Variants in PRKCB observed in about 807,000 individuals in gnomAD.
The protein encoded by PRKCB is protein kinase C beta.
In PRKCB, 13 loss-of-function variants were observed where a neutral mutation model predicts 81.5. The observed-to-expected ratio is 0.16, with a 90% CI of 0.10 to 0.25. PRKCB has a LOEUF of 0.25. Ranked by LOEUF, PRKCB falls within the 10% of genes least tolerant of loss-of-function variation. PRKCB has a pLI of 1.00. For missense variants in PRKCB, 509 were observed against 875.7 expected (o/e 0.58, Z 5.29); for synonymous variants, 335 against 321.4 (o/e 1.04, Z -0.45).
chr16:23,976,253 G>A (rs1024633545), intron 2 of PRKCB, among the ~76,000 whole-genome samples: 13 of 152,042 alleles, frequency 8.6e-5, no homozygotes, highest in African/African-American at 2.9e-4. Context: ...AGCCATAATC[G>A]CACCATTGCA....
intron 5 of PRKCB, among the ~76,000 whole-genome samples, chr16:24,054,617 A>G (rs1311025736): frequency 2.6e-5 from 4 of 152,224 alleles, no homozygotes; most frequent in South Asian, 4.1e-4. Flanking sequence ...TTTCCCAAGA[A>G]GGGGAGCTGT....
intron 3 of PRKCB, among the ~76,000 whole-genome samples, chr16:24,009,810 T>G (rs1024567869): frequency 7.9e-5 from 12 of 151,610 alleles, no homozygotes; most frequent in African/African-American, 2.7e-4. Flanking sequence ...AGGTCAGGAG[T>G]TTGAGACCAG....
chr16:23,844,786 C>T (rs980619940), intron 2 of PRKCB, among the ~76,000 whole-genome samples: 4 of 151,062 alleles, frequency 2.6e-5, no homozygotes, highest in African/African-American at 7.3e-5. Context: ...AGATTATAGG[C>T]GTGAGCCACC....
At chr16:24,160,883 G>C (rs982952111) in intron 10 of PRKCB, among the ~76,000 whole-genome samples, 1 of 152,164 alleles carries the variant, frequency 6.6e-6, no homozygotes, top group Non-Finnish European at 1.5e-5. Context: ...GCAGCAGGAA[G>C]AGTGAGTGTG....
At chr16:23,853,110 A>C (rs7403970) in intron 2 of PRKCB, among the ~76,000 whole-genome samples, 120,133 of 152,174 alleles carry the variant, frequency 0.79, 47,619 homozygotes, top group East Asian at 0.94. Context: ...GTTTTTCCAC[A>C]CAATAATTTA....
chr16:23,882,022 C>CTCTTTCTTTCTTTCTTTCTCTTTCTTTCT (rs1555481695), intron 2 of PRKCB, among the ~76,000 whole-genome samples: 18 of 57,464 alleles, frequency 3.1e-4, no homozygotes, highest in South Asian at 5.9e-4. Context: ...TTCTTTCTTT[C>CTCTTTCTTTCTTTCTTTCTCTTTCTTTCT]TTCCTTCCTT....
intron 3 of PRKCB, among the ~76,000 whole-genome samples, chr16:24,021,660 G>C (rs12444942): frequency 1.3e-5 from 2 of 151,906 alleles, no homozygotes; most frequent in Non-Finnish European, 1.5e-5. Context: ...GTTCCCACTC[G>C]GCTGGCTGCA....
chr16:23,933,477 T>C (rs1964006752), intron 2 of PRKCB, among the ~76,000 whole-genome samples: 1 of 152,196 alleles, frequency 6.6e-6, no homozygotes. Context: ...GCTTCATAAT[T>C]TGGAGGTTTG....
intron 5 of PRKCB, among the ~76,000 whole-genome samples, chr16:24,046,863 G>T (rs1965773024): frequency 6.6e-6 from 1 of 152,120 alleles, no homozygotes; most frequent in Non-Finnish European, 1.5e-5. Flanking sequence ...CCACCCAGTG[G>T]GGGCAGTCAT....
At chr16:23,943,397 C>T (rs1964161789) in intron 2 of PRKCB, among the ~76,000 whole-genome samples, 2 of 152,164 alleles carry the variant, frequency 1.3e-5, no homozygotes, top group South Asian at 4.1e-4. Context: ...GGCTAGTTGA[C>T]ATACACCTGC....
intron 2 of PRKCB, among the ~76,000 whole-genome samples, chr16:23,858,303 G>C (rs185349339): frequency 1.2e-5 from 1 of 80,932 alleles, no homozygotes; most frequent in Non-Finnish European, 2.5e-5. Flanking sequence ...AGGTCCATTC[G>C]AGTCAGACTG....
rs545734745 is a variant in PRKCB, at chr16:24,063,187, G to A, written c.529+27640G>A. On this transcript the variant is annotated intron_variant, in intron 5 of 16. Transcript: ENST00000643927. Reference sequence around the variant, plus strand: ...CTACTCTCTGGATGTCTCACCATGCGTTGTTGATCCCTTTAACCCTGTCTT... The same window carrying A: ...CTACTCTCTGGATGTCTCACCATGCATTGTTGATCCCTTTAACCCTGTCTT... 4.3e-4 allele frequency among the ~76,000 whole-genome samples: 66 copies of A among 152,038 alleles called. No homozygotes were observed. In the South Asian group the frequency reaches 5.4e-3, roughly 12 times the overall value.
intron 2 of PRKCB, among the ~76,000 whole-genome samples, chr16:23,919,007 G>C (rs1247886388): frequency 6.6e-6 from 1 of 152,180 alleles, no homozygotes; most frequent in Non-Finnish European, 1.5e-5. Context: ...CATGTTTCTA[G>C]TATCCTCTTT....
intron 2 of PRKCB, among the ~76,000 whole-genome samples, chr16:23,901,823 G>A (rs887463766): frequency 6.6e-6 from 1 of 152,084 alleles, no homozygotes. Flanking sequence ...AACATTGGAG[G>A]CCATAAAAGT....
At position 24,092,885 on chromosome 16, in the gene PRKCB, C is replaced by T; in HGVS notation, c.624C>T (p.Ser208=). Residue 208 remains serine (S), a synonymous_variant, in exon 6 of 17, where the codon AGC becomes AGT. Transcript: ENST00000643927. ...TGATTCCCGATCCCAAAAGTGAGAGCAAACAGAAGACCAAAACCATCAAAT... is the reference window on the plus strand; with the variant it reads ...TGATTCCCGATCCCAAAAGTGAGAGTAAACAGAAGACCAAAACCATCAAAT... ...LKLIPDPKSE[S]KQKTKTIKCS... 2 of 1,614,088 alleles carry T rather than the reference C, an allele frequency of 1.2e-6. No homozygotes were observed. Among genetic ancestry groups the T allele is most frequent in the South Asian group, 1.1e-5 (1 of 91,074 alleles).
chr16:23,972,832 G>T (rs1358718207), intron 2 of PRKCB, among the ~76,000 whole-genome samples: 7 of 152,204 alleles, frequency 4.6e-5, no homozygotes, highest in African/African-American at 1.7e-4. Context: ...TAGGAAGACA[G>T]TAGTGAACAA....
At chr16:23,875,582 A>ATATG (rs1962989337) in intron 2 of PRKCB, among the ~76,000 whole-genome samples, 1 of 43,578 alleles carries the variant, frequency 2.3e-5, no homozygotes, top group Admixed American at 2.4e-4. Flanking sequence ...TCAAACACAT[A>ATATG]TGTATATCAC....
chr16:24,185,839 T>TA (rs1967696335), intron 15 of PRKCB, among the ~76,000 whole-genome samples: 1 of 152,236 alleles, frequency 6.6e-6, no homozygotes, highest in Non-Finnish European at 1.5e-5. Context: ...GGGGAATGCT[T>TA]ATTGAATGAA....
chr16:24,021,359 T>TTCCC (rs1965400748), intron 3 of PRKCB, among the ~76,000 whole-genome samples: 1 of 27,774 alleles, frequency 3.6e-5, no homozygotes, highest in Non-Finnish European at 5.8e-5. Context: ...TCCTTCCTCC[T>TTCCC]TCCCTCCCTC....
Sources: allele counts gnomAD v4.1 joint callset (sites outside exome capture counted in the v4.1 genomes callset), GRCh38; gene constraint gnomAD v4.1.1; transcripts MANE v1.5; gene names NCBI Gene and HGNC (gene_info 2026-07-23, HGNC 2026-07-21).